The following SYNJ2BP variants were observed in gnomAD, a reference collection of about 807,000 sequenced individuals.
The protein encoded by SYNJ2BP is synaptojanin-2-binding protein.
Under a neutral mutation model 16.9 loss-of-function variants are expected in SYNJ2BP, and 10 were observed. The observed-to-expected ratio is 0.59, with a 90% confidence interval of 0.36 to 1.00. The LOEUF (loss-of-function observed/expected upper bound fraction) is 1.00, where lower values mean the gene tolerates loss of function less well. Among genes scored for constraint, SYNJ2BP ranks in the 50% least tolerant of loss-of-function variants. The probability of loss-of-function intolerance (pLI) is 0.01; values close to 1 mark genes in which losing one functional copy is unlikely to be tolerated. For synonymous variants in SYNJ2BP, 54 were observed against 68.4 expected, an observed-to-expected ratio of 0.79 and a Z score of 1.04; for missense variants, 162 against 186.7, an observed-to-expected ratio of 0.87 and a Z score of 0.77.
intron 2 of SYNJ2BP, 146 bp from the exon 3 acceptor site, chr14:70,375,917 G>A: frequency 3.1e-6 from 3 of 973,460 alleles, no homozygotes; most frequent in Non-Finnish European, 4.3e-6. Context: ...TTAGAGCTCA[G>A]AACTTAGAAC....
chr14:70,391,612 T>C (rs1489481113), intron 1 of SYNJ2BP, among the ~76,000 whole-genome samples: 1 of 152,240 alleles, frequency 6.6e-6, no homozygotes, highest in Non-Finnish European at 1.5e-5. Context: ...CATCAAATGC[T>C]ACAGTTGCCT....
chr14:70,393,621 A>G (rs1888025615), intron 1 of SYNJ2BP, among the ~76,000 whole-genome samples: 1 of 152,264 alleles, frequency 6.6e-6, no homozygotes, highest in Admixed American at 6.5e-5. Context: ...CTATGCAGCC[A>G]TAAAAAAGAA....
At chr14:70,395,489 GTCTT>G (rs1888070050) in intron 1 of SYNJ2BP, among the ~76,000 whole-genome samples, 1 of 140,966 alleles carries the variant, frequency 7.1e-6, no homozygotes. Flanking sequence ...CCCCCTGTCT[GTCTT>G]TTATGAAGAC....
chr14:70,410,050 C>T (rs533437077), intron 1 of SYNJ2BP, among the ~76,000 whole-genome samples: 2 of 151,938 alleles, frequency 1.3e-5, no homozygotes, highest in East Asian at 1.9e-4. Context: ...CCCAAGAGGT[C>T]GAGGCTGCAG....
intron 1 of SYNJ2BP, among the ~76,000 whole-genome samples, chr14:70,410,042 C>G (rs1418553272): frequency 6.6e-6 from 1 of 152,052 alleles, no homozygotes; most frequent in African/African-American, 2.4e-5. Context: ...CACCTGAGCC[C>G]AAGAGGTCGA....
intron 1 of SYNJ2BP, among the ~76,000 whole-genome samples, chr14:70,413,075 A>G (rs1421992941): frequency 6.6e-6 from 1 of 152,244 alleles, no homozygotes; most frequent in East Asian, 1.9e-4. Context: ...AAGACATTTG[A>G]GATTGTAGCC....
At chr14:70,411,519 A>G (rs1888472225) in intron 1 of SYNJ2BP, among the ~76,000 whole-genome samples, 1 of 152,112 alleles carries the variant, frequency 6.6e-6, no homozygotes, top group Non-Finnish European at 1.5e-5. Flanking sequence ...TCAGGTTACT[A>G]CTCAGCTACC....
chr14:70,372,945 G>A lies in SYNJ2BP; in HGVS notation c.*46C>T, dbSNP rs1356136466. On this transcript the variant is annotated 3_prime_UTR_variant, in exon 4 of 4. Coordinates refer to ENST00000256366, the MANE Select transcript of SYNJ2BP (RefSeq NM_018373.3). ...TGGCAGAATAGCAGGGGTGGAGGGT[G>A]AGTGAAATGTATCTTCATTGGGAGT... is the stretch of plus-strand genomic sequence containing the variant. 1.2e-6 allele frequency: 2 copies of A among 1,608,894 alleles called. No homozygotes were observed. The highest frequency in any genetic ancestry group is 3.3e-5 in the Admixed American group (2 of 59,888).
intron 1 of SYNJ2BP, 107 bp from the exon 2 acceptor site, chr14:70,388,713 T>A: frequency 1.5e-6 from 2 of 1,351,552 alleles, no homozygotes; most frequent in Non-Finnish European, 1.9e-6. Flanking sequence ...GAAAGGCTGA[T>A]GGAGAGGAGA....
chr14:70,414,899 G>A (rs888563565), intron 1 of SYNJ2BP, among the ~76,000 whole-genome samples: 9 of 152,172 alleles, frequency 5.9e-5, no homozygotes, highest in Non-Finnish European at 1.0e-4. Flanking sequence ...TTCTATGTTA[G>A]CCTCAAAAGT....
intron 1 of SYNJ2BP, among the ~76,000 whole-genome samples, chr14:70,408,775 A>T (rs564516981): frequency 1.2e-4 from 18 of 152,294 alleles, no homozygotes; most frequent in Admixed American, 1.2e-3. Context: ...AAGTGAGGTG[A>T]CTTGCACAAG....
At chr14:70,394,067 G>A (rs78620603) in intron 1 of SYNJ2BP, among the ~76,000 whole-genome samples, 15,918 of 150,334 alleles carry the variant, frequency 0.11, 1,027 homozygotes, top group Admixed American at 0.15. Context: ...GACCACCCAT[G>A]AGACAGAAAC....
intron 1 of SYNJ2BP, among the ~76,000 whole-genome samples, chr14:70,408,162 C>G (rs1158076269): frequency 1.4e-5 from 2 of 147,774 alleles, no homozygotes; most frequent in African/African-American, 5.0e-5. Context: ...TTTTTATAAA[C>G]TAAGGCATAA....
At chr14:70,396,390 T>G (rs1184193141) in intron 1 of SYNJ2BP, among the ~76,000 whole-genome samples, 2 of 152,178 alleles carry the variant, frequency 1.3e-5, no homozygotes, top group Non-Finnish European at 2.9e-5. Flanking sequence ...GTGCTGGGAT[T>G]ACAGGCATGA....
At position 70,416,672 on chromosome 14, in the gene SYNJ2BP, T is replaced by C. The variant is rs2297817; in HGVS notation, c.64+228A>G. Among the ~76,000 whole-genome samples, 11 of 152,314 alleles carry C rather than the reference T, an allele frequency of 7.2e-5. No individual in the cohort carries two copies. In the East Asian group the frequency reaches 1.4e-3, roughly 19 times the overall value. On this transcript the variant is annotated intron_variant, in intron 1 of 3. Transcript: ENST00000256366. ...TGCACAAAGAACCCCTTCTTGACTA[T>C]ATATATTTGTGTTCATCCAACTGGA... is the stretch of plus-strand genomic sequence containing the variant.
chr14:70,372,082 A>G lies in SYNJ2BP; in HGVS notation c.*909T>C, dbSNP rs908655992. ...TAATAACTCACCATAGTTGGCTGTT[A>G]TAAGAATAAATATTGTTCTTCTAAG... On this transcript the variant is annotated 3_prime_UTR_variant, in exon 4 of 4. Transcript: ENST00000256366. 3.3e-5 allele frequency: 5 copies of G among 152,344 alleles called. No homozygotes were observed. Among genetic ancestry groups the G allele is most frequent in the African/African-American group, 1.2e-4 (5 of 41,584 alleles). The allele number at this position is 152,344 out of a possible 1,614,324, so 9.4% of individuals were successfully genotyped here.
chr14:70,403,186 A>G (rs772016454), intron 1 of SYNJ2BP, among the ~76,000 whole-genome samples: 4 of 152,218 alleles, frequency 2.6e-5, no homozygotes, highest in African/African-American at 4.8e-5. Context: ...CTGGTAGTCT[A>G]AACAGGGAGA....
At chr14:70,388,439 G>C in intron 2 of SYNJ2BP, 31 bp downstream of exon 2, 3 of 1,514,204 alleles carry the variant, frequency 2.0e-6, no homozygotes, top group Non-Finnish European at 2.6e-6. Flanking sequence ...GGGAGCAAAG[G>C]ACAGTGAAGG....
chr14:70,393,810 G>C (rs1888029902), intron 1 of SYNJ2BP, among the ~76,000 whole-genome samples: 1 of 151,952 alleles, frequency 6.6e-6, no homozygotes, highest in Non-Finnish European at 1.5e-5. Context: ...TCAGGGGGTG[G>C]GGGGTAAGGG....
Sources: allele counts gnomAD v4.1 joint callset (sites outside exome capture counted in the v4.1 genomes callset), GRCh38; gene constraint gnomAD v4.1.1; transcripts MANE v1.5; gene names NCBI Gene and HGNC (gene_info 2026-07-23, HGNC 2026-07-21).